The following THSD7A variants were observed in gnomAD, a reference collection of about 807,000 sequenced individuals.
The protein encoded by THSD7A is thrombospondin type-1 domain-containing protein 7A.
THSD7A carries 96 observed loss-of-function variants against 231.3 expected under a neutral mutation model. The ratio of observed to expected loss-of-function variants is 0.41; its 90% CI spans 0.35 to 0.49. The LOEUF (loss-of-function observed/expected upper bound fraction) is 0.49, where lower values mean the gene tolerates loss of function less well. THSD7A is among the 20% of genes least tolerant of loss of function. The pLI, the probability that THSD7A is intolerant of heterozygous loss-of-function variation, is 0.05. For missense variants in THSD7A, 2,290 were observed against 2,070.2 expected, an observed-to-expected ratio of 1.11 and a Z score of -2.06; for synonymous variants, 940 against 743.3, an observed-to-expected ratio of 1.26 and a Z score of -4.30.
chr7:11,718,790 GT>G (rs1452479998), intron 1 of THSD7A, among the ~76,000 whole-genome samples: 1 of 151,520 alleles, frequency 6.6e-6, no homozygotes, highest in Non-Finnish European at 1.5e-5. Context: ...TATAGTCCTA[GT>G]GGCACATTTG....
intron 6 of THSD7A, among the ~76,000 whole-genome samples, chr7:11,506,872 C>A (rs906868836): frequency 7.2e-6 from 1 of 138,344 alleles, no homozygotes; most frequent in African/African-American, 2.7e-5. Context: ...CATCACCGTA[C>A]CCCTTTGTTT....
At chr7:11,556,249 T>C (rs934630757) in intron 4 of THSD7A, among the ~76,000 whole-genome samples, 2 of 151,576 alleles carry the variant, frequency 1.3e-5, no homozygotes, top group African/African-American at 4.8e-5. Context: ...TTGCTGTAGA[T>C]ATTACATTAC....
At chr7:11,479,844 T>A (rs980889221) in intron 7 of THSD7A, among the ~76,000 whole-genome samples, 5 of 146,634 alleles carry the variant, frequency 3.4e-5, no homozygotes, top group African/African-American at 1.3e-4. Context: ...ACAAATAGCA[T>A]TGACAGAGTT....
intron 1 of THSD7A, among the ~76,000 whole-genome samples, chr7:11,811,855 C>T (rs1161726682): frequency 6.6e-6 from 1 of 152,140 alleles, no homozygotes; most frequent in African/African-American, 2.4e-5. Flanking sequence ...GAATGCAATT[C>T]TCCCTTTAAA....
At chr7:11,535,329 A>G (rs1429283078) in intron 6 of THSD7A, among the ~76,000 whole-genome samples, 2 of 152,132 alleles carry the variant, frequency 1.3e-5, no homozygotes, top group African/African-American at 4.8e-5. Context: ...ATACACAGAC[A>G]CATATACTAA....
At position 11,446,520 on chromosome 7, in the gene THSD7A, T is replaced by C. The variant is rs377546270; in HGVS notation, c.2801-196A>G. On this transcript the variant is annotated intron_variant, in intron 12 of 27. Coordinates refer to ENST00000423059, the MANE Select transcript of THSD7A (RefSeq NM_015204.3). The surrounding 1 kb of genome is among the most constrained non-coding windows in gnomAD (Gnocchi z 4.0). ...TCCTGTTGGTATTGGGTGCTTTGCA[T>C]AGTAAAATTTGTATTATTTTTTCAG... Among the ~76,000 whole-genome samples, 34 of 152,298 alleles carry C rather than the reference T, an allele frequency of 2.2e-4. No homozygotes were observed. The highest frequency in any genetic ancestry group is 8.2e-4 in the African/African-American group (34 of 41,582).
intron 1 of THSD7A, among the ~76,000 whole-genome samples, chr7:11,711,996 A>G (rs1780980637): frequency 6.6e-6 from 1 of 151,154 alleles, no homozygotes; most frequent in Non-Finnish European, 1.5e-5. Context: ...AAAGAAACAA[A>G]AACACTCAGC....
intron 1 of THSD7A, among the ~76,000 whole-genome samples, chr7:11,727,078 G>A (rs947405702): frequency 6.6e-6 from 1 of 151,888 alleles, no homozygotes; most frequent in African/African-American, 2.4e-5. Context: ...TACACCCCTG[G>A]TGCTGATATT....
intron 6 of THSD7A, among the ~76,000 whole-genome samples, chr7:11,488,967 C>G (rs1257242623): frequency 2.6e-5 from 4 of 152,074 alleles, no homozygotes; most frequent in Non-Finnish European, 1.5e-5. Context: ...CATTATTTGA[C>G]TTTCTCAAAT....
intron 1 of THSD7A, among the ~76,000 whole-genome samples, chr7:11,655,004 T>C (rs1027124977): frequency 1.1e-4 from 16 of 151,862 alleles, no homozygotes; most frequent in African/African-American, 3.6e-4. Context: ...CAACGTTTTA[T>C]AGCCAAGATC....
At chr7:11,428,772 G>C (rs749692177) in intron 14 of THSD7A, among the ~76,000 whole-genome samples, 175 bp downstream of exon 14, 1 of 152,072 alleles carries the variant, frequency 6.6e-6, no homozygotes, top group African/African-American at 2.4e-5. Context: ...AGAGAATACA[G>C]ATATGTCTAA....
chr7:11,778,155 T>TGAAAAAAAAAAAAAAAAA (rs1488110341), intron 1 of THSD7A, among the ~76,000 whole-genome samples: 1 of 4,868 alleles, frequency 2.1e-4, no homozygotes, highest in Non-Finnish European at 4.1e-4. Context: ...AGACTCCGTC[T>TGAAAAAAAAAAAAAAAAA]CAAAAAAAAA....
chr7:11,696,265 A>T (rs1267301436), intron 1 of THSD7A, among the ~76,000 whole-genome samples: 1 of 151,454 alleles, frequency 6.6e-6, no homozygotes, highest in African/African-American at 2.4e-5. Context: ...TGAGAGTAAA[A>T]TTGCCAATGG....
At chr7:11,479,151 G>A (rs1425664142) in intron 7 of THSD7A, among the ~76,000 whole-genome samples, 2 of 152,270 alleles carry the variant, frequency 1.3e-5, no homozygotes, top group East Asian at 1.9e-4. Context: ...TTTCCATGAG[G>A]AAGAAGTAAA....
Position 11,664,307 on chromosome 7 carries a change from G to GGCT in THSD7A, c.191-27349_191-27347dup, listed in dbSNP as rs1410207379. Among the ~76,000 whole-genome samples, 12 of 151,952 alleles carry GGCT rather than the reference G, an allele frequency of 7.9e-5. No individual in the cohort carries two copies. In the East Asian group the frequency reaches 2.3e-3, roughly 30 times the overall value. ...ATCTACAGCAGTGCGAATAACAGAT[G>GGCT]GCTGGGAGTAGACTTGGTACTAGAT... On this transcript the variant is annotated intron_variant, in intron 1 of 27. Coordinates refer to ENST00000423059, the MANE Select transcript of THSD7A (RefSeq NM_015204.3).
At chr7:11,510,738 A>C (rs1787772026) in intron 6 of THSD7A, among the ~76,000 whole-genome samples, 1 of 152,222 alleles carries the variant, frequency 6.6e-6, no homozygotes, top group Non-Finnish European at 1.5e-5. Flanking sequence ...TTCATGCTAA[A>C]AACTCTCAAC....
At chr7:11,765,149 A>G (rs1013760572) in intron 1 of THSD7A, among the ~76,000 whole-genome samples, 2 of 152,240 alleles carry the variant, frequency 1.3e-5, no homozygotes, top group African/African-American at 4.8e-5. Context: ...AATAAGGTAT[A>G]GAAAAATATA....
At chr7:11,602,584 T>C (rs574175403) in intron 2 of THSD7A, among the ~76,000 whole-genome samples, 2 of 152,164 alleles carry the variant, frequency 1.3e-5, no homozygotes, top group African/African-American at 4.8e-5. Context: ...CTTTTTTTGT[T>C]CGCTTATTGG....
At chr7:11,412,318 G>T (rs1437583295) in intron 18 of THSD7A, among the ~76,000 whole-genome samples, 1 of 152,080 alleles carries the variant, frequency 6.6e-6, no homozygotes, top group African/African-American at 2.4e-5. Context: ...TTCTGAAAAA[G>T]AAAGACATTT....
Sources: gnomAD v4.1 joint callset for allele counts (sites outside exome capture counted in the v4.1 genomes callset) on GRCh38, gnomAD v4.1.1 for gene constraint, Gnocchi (gnomAD v3.1) non-coding constraint, MANE v1.5 for transcripts, NCBI Gene and HGNC (gene_info 2026-07-23, HGNC 2026-07-21) for gene names.